Variants in IDE observed in about 807,000 individuals in gnomAD.
IDE encodes insulin degrading enzyme.
In IDE, 58 loss-of-function variants were observed where a neutral mutation model predicts 133.2. That is an observed-to-expected ratio of 0.44 (90% confidence interval 0.35 to 0.54). The LOEUF (loss-of-function observed/expected upper bound fraction) is 0.54. Among genes scored for constraint, IDE ranks in the 20% least tolerant of loss-of-function variants. The probability of loss-of-function intolerance (pLI) is 0.00; values close to 1 mark genes in which losing one functional copy is unlikely to be tolerated. For synonymous variants in IDE, 396 were observed against 421.3 expected, an observed-to-expected ratio of 0.94 and a Z score of 0.73; for missense variants, 981 against 1,234.0, an observed-to-expected ratio of 0.79 and a Z score of 3.07.
chr10:92,508,588 CCAA>C (rs1420616924), intron 7 of IDE, 137 bp downstream of exon 7: 2 of 640,046 alleles, frequency 3.1e-6, no homozygotes, highest in East Asian at 5.4e-5. Flanking sequence ...CAACAGCGTG[CCAA>C]CAACCACCAT....
chr10:92,523,193 C>T (rs1447846683), intron 4 of IDE, among the ~76,000 whole-genome samples: 3 of 151,928 alleles, frequency 2.0e-5, no homozygotes, highest in Non-Finnish European at 4.4e-5. Flanking sequence ...CTAGCCTGGG[C>T]GACATGGTGA....
At chr10:92,556,506 C>T (rs1351837902) in intron 1 of IDE, among the ~76,000 whole-genome samples, 1 of 152,080 alleles carries the variant, frequency 6.6e-6, no homozygotes, top group South Asian at 2.1e-4. Flanking sequence ...CCCCTATAAT[C>T]CCAGCACTTT....
intron 16 of IDE, 82 bp from the exon 17 acceptor site, chr10:92,475,043 T>C (rs1846178285): frequency 9.1e-7 from 1 of 1,096,874 alleles, no homozygotes; most frequent in African/African-American, 1.6e-5. Context: ...CAAATTTCAA[T>C]TCTCTATAAA....
At chr10:92,563,491 A>G (rs1355153783) in intron 1 of IDE, among the ~76,000 whole-genome samples, 1 of 151,532 alleles carries the variant, frequency 6.6e-6, no homozygotes, top group Non-Finnish European at 1.5e-5. Flanking sequence ...GGTGGCTCAA[A>G]CCTGTAATTC....
intron 20 of IDE, among the ~76,000 whole-genome samples, chr10:92,464,398 C>T (rs561306767): frequency 3.9e-5 from 6 of 152,300 alleles, no homozygotes; most frequent in South Asian, 2.1e-4. Flanking sequence ...CCAAGTTCCG[C>T]ATATGAACAC....
intron 1 of IDE, among the ~76,000 whole-genome samples, chr10:92,572,222 TG>T (rs771250701): frequency 2.8e-4 from 43 of 152,362 alleles, no homozygotes; most frequent in Non-Finnish European, 5.3e-4. Context: ...TGCTATATGC[TG>T]GAGACAGTAT....
intron 8 of IDE, 123 bp from the exon 9 acceptor site, chr10:92,507,789 C>T (rs1848375392): frequency 1.5e-6 from 1 of 670,780 alleles, no homozygotes; most frequent in Non-Finnish European, 2.7e-6. Context: ...CAGTCCTCAC[C>T]TCCCTGAGAC....
At chr10:92,562,670 C>A (rs12264682) in intron 1 of IDE, among the ~76,000 whole-genome samples, 3,993 of 152,198 alleles carry the variant, frequency 0.026, 193 homozygotes, top group African/African-American at 0.089. Flanking sequence ...TCCAACACTC[C>A]CAGCCTATAT....
intron 11 of IDE, among the ~76,000 whole-genome samples, chr10:92,494,682 T>A (rs1847583249): frequency 6.6e-6 from 1 of 152,212 alleles, no homozygotes; most frequent in African/African-American, 2.4e-5. Context: ...CTAGAATGAA[T>A]GCTGTTGACT....
intron 9 of IDE, among the ~76,000 whole-genome samples, chr10:92,507,356 A>C (rs748308742): frequency 6.6e-6 from 1 of 152,186 alleles, no homozygotes; most frequent in Non-Finnish European, 1.5e-5. Flanking sequence ...CATCCTAAAA[A>C]GGGCTACACG....
intron 4 of IDE, among the ~76,000 whole-genome samples, chr10:92,524,463 TTATATAA>T (rs1849478888): frequency 1.9e-5 from 1 of 52,922 alleles, no homozygotes; most frequent in Non-Finnish European, 3.1e-5. Context: ...ATTATATATT[TTATATAA>T]TATATAATAT....
intron 11 of IDE, among the ~76,000 whole-genome samples, chr10:92,494,405 G>C (rs1244167480): frequency 6.6e-6 from 1 of 150,952 alleles, no homozygotes; most frequent in Non-Finnish European, 1.5e-5. Flanking sequence ...TAGAGTGTGG[G>C]GGAAGAAAAG....
At chr10:92,525,448 C>T (rs759314480) in intron 4 of IDE, among the ~76,000 whole-genome samples, 22 of 151,970 alleles carry the variant, frequency 1.4e-4, no homozygotes, top group Non-Finnish European at 2.9e-4. Flanking sequence ...TATGGAACAG[C>T]GAAAAAGTGA....
At chr10:92,566,233 G>A (rs980851634) in intron 1 of IDE, among the ~76,000 whole-genome samples, 4 of 151,762 alleles carry the variant, frequency 2.6e-5, no homozygotes, top group Non-Finnish European at 5.9e-5. Context: ...CAGGTATGGT[G>A]GTATGTGCCA....
At chr10:92,533,669 G>A (rs1008687377) in intron 3 of IDE, among the ~76,000 whole-genome samples, 15 of 141,936 alleles carry the variant, frequency 1.1e-4, no homozygotes, top group Non-Finnish European at 2.1e-4. Context: ...TCAAATCACT[G>A]ATGCAACAAA....
At position 92,506,407 on chromosome 10, in the gene IDE, C is replaced by G. The variant is rs1435555676; in HGVS notation, c.1326+35G>C. 3.1e-6 allele frequency: 3 copies of G among 980,058 alleles called. No homozygotes were observed. The African/African-American group carries it at 4.9e-5, about 16-fold the overall frequency. The allele number at this position is 980,058 out of a possible 1,614,324, so 60.7% of individuals were successfully genotyped here. ...TGCAAGATTGCTGAAATACTCCACA[C>G]AGCAATGTATACAGTAAAATAACAA... On this transcript the variant is annotated intron_variant, in intron 10 of 24. Transcript: ENST00000265986.
At chr10:92,563,538 G>A (rs1377898004) in intron 1 of IDE, among the ~76,000 whole-genome samples, 2 of 150,964 alleles carry the variant, frequency 1.3e-5, no homozygotes, top group East Asian at 3.9e-4. Context: ...AGATAACAAG[G>A]TCAAGAGATT....
In IDE at chr10:92,500,069, C is replaced by T. The variant is rs367756900; in HGVS notation, c.1430+4725G>A. ...TCCCAGCACTTTGGGAGGCCGAGAA[C>T]GGTGGATCACCTGAGGTCATGAGTT... On this transcript the variant is annotated intron_variant, in intron 11 of 24. Transcript: ENST00000265986. 1.8e-4 allele frequency among the ~76,000 whole-genome samples: 28 copies of T among 151,984 alleles called. No individual in the cohort carries two copies. The South Asian group carries it at 3.7e-3, about 20-fold the overall frequency.
In IDE at chr10:92,508,836, G is replaced by C. The variant is rs201437960; in HGVS notation, c.952C>G (p.Pro318Ala). 6.2e-6 allele frequency: 10 copies of C among 1,612,972 alleles called. No homozygotes were observed. The highest frequency in any genetic ancestry group is 2.7e-5 in the African/African-American group (2 of 75,022). The change falls in exon 7 of 25, where the codon CCC (proline) becomes GCC (alanine). Residue 318 changes from proline (P) to alanine (A), a missense_variant. Pro to Ala is a conservative substitution (Grantham distance 27, BLOSUM62 -1). Coordinates refer to ENST00000265986, the MANE Select transcript of IDE (RefSeq NM_004969.4). The stretch of plus-strand genomic sequence containing the variant: ...TAGTATTTCTGAAGGTCAGGTATGG[G>C]AAATGTCACATAGAGATTCCTAATA... ...KDIRNLYVTF[P>A]IPDLQKYYKS...
Sources: gnomAD v4.1 joint callset for allele counts (sites outside exome capture counted in the v4.1 genomes callset) on GRCh38, gnomAD v4.1.1 for gene constraint, MANE v1.5 for transcripts, NCBI Gene and HGNC (gene_info 2026-07-23, HGNC 2026-07-21) for gene names.